The following XPR1 variants were observed in gnomAD, a reference collection of about 807,000 sequenced individuals.
XPR1 encodes xenotropic and polytropic retrovirus receptor 1, also known as solute carrier family 53 member 1.
XPR1 carries 28 observed loss-of-function variants against 87.5 expected under a neutral mutation model. The ratio of observed to expected loss-of-function variants is 0.32; its 90% CI spans 0.24 to 0.44. The LOEUF (loss-of-function observed/expected upper bound fraction) is 0.44, where lower values mean the gene tolerates loss of function less well. Among genes scored for constraint, XPR1 ranks in the 20% least tolerant of loss-of-function variants. The pLI, the probability that XPR1 is intolerant of heterozygous loss-of-function variation, is 1.00. For missense variants in XPR1, 559 were observed against 862.3 expected (o/e 0.65, Z 4.41); for synonymous variants, 300 against 306.1 (o/e 0.98, Z 0.21).
chr1:180,697,558 C>T (rs1657209881), intron 2 of XPR1, among the ~76,000 whole-genome samples: 1 of 151,666 alleles, frequency 6.6e-6, no homozygotes, highest in Non-Finnish European at 1.5e-5. Flanking sequence ...ATTTGAAATC[C>T]CTCTACTTGT....
At chr1:180,764,409 G>A (rs994115847) in intron 2 of XPR1, among the ~76,000 whole-genome samples, 1 of 151,888 alleles carries the variant, frequency 6.6e-6, no homozygotes, top group African/African-American at 2.4e-5. Context: ...TTTTGGAAGA[G>A]GGTACTAAAC....
At chr1:180,722,585 T>G (rs986677642) in intron 2 of XPR1, among the ~76,000 whole-genome samples, 3 of 152,220 alleles carry the variant, frequency 2.0e-5, no homozygotes, top group African/African-American at 7.2e-5. Flanking sequence ...AAATGTTATT[T>G]TATCAGTTTT....
In XPR1 at chr1:180,806,531, C is replaced by T; in HGVS notation, c.655C>T (p.Arg219Cys). ...GDRQKAMKRL[R>C]VPPLGAAQPA... ...CAGACAAAAGGCTATGAAGCGTTTA[C>T]GTGTCCCCCCTTTGGGAGCTGCTCA... The change falls in exon 6 of 15, where the codon CGT becomes TGT. Residue 219 changes from arginine to cysteine, a missense_variant. By Grantham distance (180) the Arg-to-Cys change is radical. This residue lies in a region of XPR1 where 159 missense variants were observed against 263.3 expected (regional missense o/e 0.60). Transcript: ENST00000367590. 1 of 1,612,810 alleles carries T rather than the reference C, an allele frequency of 6.2e-7. No homozygotes were observed. Among genetic ancestry groups the T allele is most frequent in the South Asian group, 1.1e-5 (1 of 90,910 alleles).
Position 180,887,619 on chromosome 1 carries a change from T to G in XPR1, c.*3553T>G, listed in dbSNP as rs1050306668. ...CAACTTTTTTTCAGCACTCTACCAT[T>G]AGGCTCCTTAGGCAAGCTGCTTAAC... On this transcript the variant is annotated 3_prime_UTR_variant, in exon 15 of 15. Transcript: ENST00000367590. The G allele has an allele frequency of 6.6e-6, 1 of 152,194 alleles. No homozygotes were observed. Among genetic ancestry groups the G allele is most frequent in the Non-Finnish European group, 1.5e-5 (1 of 68,020 alleles). The allele number at this position is 152,194 out of a possible 1,614,324, so 9.4% of individuals were successfully genotyped here. A position where few individuals can be genotyped will look rare whatever the true frequency, so the allele number is the denominator to read the frequency against.
chr1:180,763,587 G>A (rs1648137983), intron 2 of XPR1, among the ~76,000 whole-genome samples: 1 of 152,218 alleles, frequency 6.6e-6, no homozygotes, highest in African/African-American at 2.4e-5. Flanking sequence ...TGTGATAAGA[G>A]CAATGATGAA....
chr1:180,874,309 C>T (rs1416490939), intron 13 of XPR1, among the ~76,000 whole-genome samples: 2 of 152,176 alleles, frequency 1.3e-5, no homozygotes, highest in Non-Finnish European at 2.9e-5. Flanking sequence ...TGGCTTAAAA[C>T]AGAAATCAAT....
chr1:180,777,264 A>G (rs1648759557), intron 2 of XPR1, among the ~76,000 whole-genome samples: 1 of 152,170 alleles, frequency 6.6e-6, no homozygotes. Flanking sequence ...CGTGGTATCT[A>G]CTGTACTACG....
In XPR1 at chr1:180,889,226, G is replaced by A. The variant is rs1395124504; in HGVS notation, c.*5160G>A. On this transcript the variant is annotated 3_prime_UTR_variant, in exon 15 of 15. Transcript: ENST00000367590. ...TATCGTCAAATCAAAGCCACCCTCAGTTTTTTGTATGGTGCCATCAACCTA... is the reference window on the plus strand; with the variant it reads ...TATCGTCAAATCAAAGCCACCCTCAATTTTTTGTATGGTGCCATCAACCTA... The A allele has an allele frequency of 6.6e-6, 1 of 152,156 alleles. No homozygotes were observed. Among genetic ancestry groups the A allele is most frequent in the African/African-American group, 2.4e-5 (1 of 41,424 alleles). The allele number at this position is 152,156 out of a possible 1,614,324, so 9.4% of individuals were successfully genotyped here. A position where few individuals can be genotyped will look rare whatever the true frequency, so the allele number is the denominator to read the frequency against.
chr1:180,755,054 T>C (rs570631032), intron 2 of XPR1, among the ~76,000 whole-genome samples: 2 of 152,248 alleles, frequency 1.3e-5, no homozygotes, highest in South Asian at 2.1e-4. Context: ...AAGTTACCGA[T>C]ATGGAGAAGG....
chr1:180,806,824 T>A (rs1418986456), intron 6 of XPR1, among the ~76,000 whole-genome samples: 1 of 152,150 alleles, frequency 6.6e-6, no homozygotes, highest in Non-Finnish European at 1.5e-5. Context: ...GATTAAGATG[T>A]GATTTAAAAA....
At chr1:180,826,817 A>AT (rs891801850) in intron 9 of XPR1, among the ~76,000 whole-genome samples, 14 of 151,230 alleles carry the variant, frequency 9.3e-5, no homozygotes, top group Non-Finnish European at 1.5e-4. Flanking sequence ...AAACATAACA[A>AT]TTTTTTTTTA....
At chr1:180,788,875 T>A (rs1477313499) in intron 3 of XPR1, among the ~76,000 whole-genome samples, 9 of 152,332 alleles carry the variant, frequency 5.9e-5, no homozygotes, top group Admixed American at 2.0e-4. Context: ...GTTTCATGAC[T>A]TTACTAATTT....
Position 180,632,180 on chromosome 1 carries a change from G to C in XPR1, c.-22G>C. ...CGCCTGTAGCTGCTGGACCCGAGTGGGAGTGAGGGGGAAACGGCAGGATGA... is the reference window on the plus strand; with the variant it reads ...CGCCTGTAGCTGCTGGACCCGAGTGCGAGTGAGGGGGAAACGGCAGGATGA... On this transcript the variant is annotated 5_prime_UTR_variant, in exon 1 of 15. Coordinates refer to ENST00000367590, the MANE Select transcript of XPR1 (RefSeq NM_004736.4). The C allele has an allele frequency of 6.3e-7, 1 of 1,599,914 alleles. No homozygotes were observed. The highest frequency in any genetic ancestry group is 8.5e-7 in the Non-Finnish European group (1 of 1,173,404).
At chr1:180,876,645 A>AG (rs1652672380) in intron 13 of XPR1, among the ~76,000 whole-genome samples, 1 of 152,178 alleles carries the variant, frequency 6.6e-6, no homozygotes, top group African/African-American at 2.4e-5. Context: ...CAAAAAAAAA[A>AG]AAAGAAAGAA....
intron 1 of XPR1, among the ~76,000 whole-genome samples, chr1:180,681,829 A>T (rs937040894): frequency 6.6e-6 from 1 of 152,260 alleles, no homozygotes; most frequent in African/African-American, 2.4e-5. Context: ...GCTATAAAAA[A>T]TAAAATTTCA....
intron 11 of XPR1, among the ~76,000 whole-genome samples, chr1:180,837,666 G>A (rs1374430630): frequency 6.6e-6 from 1 of 152,098 alleles, no homozygotes; most frequent in African/African-American, 2.4e-5. Flanking sequence ...GAGTAGGATT[G>A]ATAAATGTAG....
chr1:180,753,891 A>G (rs911767968), intron 2 of XPR1, among the ~76,000 whole-genome samples: 4 of 152,128 alleles, frequency 2.6e-5, no homozygotes, highest in South Asian at 2.1e-4. Context: ...TTATAGTACT[A>G]TTTCCCACCA....
rs1385948524 is a variant in XPR1, at chr1:180,888,707, A to G, written c.*4641A>G. ...GAGTGTTAAAGGTTTTCTAAATGCA[A>G]ACACATACGTTTCTGCATTTCAGAA... is the stretch of plus-strand genomic sequence containing the variant. On this transcript the variant is annotated 3_prime_UTR_variant, in exon 15 of 15. Transcript: ENST00000367590. 1 of 152,214 alleles carries G rather than the reference A, an allele frequency of 6.6e-6. No individual in the cohort carries two copies. The highest frequency in any genetic ancestry group is 1.5e-5 in the Non-Finnish European group (1 of 68,036). 9.4% of individuals were successfully genotyped at this position (152,214 alleles called of 1,614,324 possible).
intron 1 of XPR1, among the ~76,000 whole-genome samples, chr1:180,656,385 ATG>A (rs1655475747): frequency 3.2e-5 from 3 of 94,776 alleles, no homozygotes; most frequent in African/African-American, 1.3e-4. Context: ...TATAATATTC[ATG>A]TATTTATATA....
Sources: gnomAD v4.1 joint callset for allele counts (sites outside exome capture counted in the v4.1 genomes callset) on GRCh38, gnomAD v4.1.1 for gene constraint, gnomAD v4.1.1 regional missense constraint, MANE v1.5 for transcripts, NCBI Gene and HGNC (gene_info 2026-07-23, HGNC 2026-07-21) for gene names.